SLC9A9: variants seen among roughly 807,000 people sequenced by gnomAD.
SLC9A9 encodes solute carrier family 9 member A9.
In SLC9A9, 62 loss-of-function variants were observed where a neutral mutation model predicts 77.8. The observed-to-expected ratio is 0.80, with a 90% CI of 0.65 to 0.98. The LOEUF is 0.98. SLC9A9 is among the 50% of genes least tolerant of loss of function. The pLI is 0.00. For missense variants in SLC9A9, 775 were observed against 774.9 expected (o/e 1.00, Z 0.00); for synonymous variants, 320 against 283.5 (o/e 1.13, Z -1.29).
rs1033629087 is a variant in SLC9A9 at position 143,634,147 on chromosome 3, C to CTTTTTTTTTTTTTTTTTTTTTTTTTTT, written c.755+18107_755+18108insAAAAAAAAAAAAAAAAAAAAAAAAAAA. Reference sequence around the variant, plus strand: ...TGCCTATGTGCTCCCATAATCCTTTCTTTAAGCTTGAAATTCAGTAACTTT... The same window carrying CTTTTTTTTTTTTTTTTTTTTTTTTTTT: ...TGCCTATGTGCTCCCATAATCCTTTCTTTTTTTTTTTTTTTTTTTTTTTTTTTTTTAAGCTTGAAATTCAGTAACTTT... On this transcript the variant is annotated intron_variant, in intron 6 of 15. Transcript: ENST00000316549. Among the ~76,000 whole-genome samples the CTTTTTTTTTTTTTTTTTTTTTTTTTTT allele has an allele frequency of 1.3e-4, 20 of 149,316 alleles. 1 individual carries two copies. The highest frequency in any genetic ancestry group is 4.6e-4 in the African/African-American group (18 of 38,710).
intron 6 of SLC9A9, among the ~76,000 whole-genome samples, chr3:143,618,119 A>C (rs1160135708): frequency 6.6e-6 from 1 of 152,214 alleles, no homozygotes; most frequent in East Asian, 1.9e-4. Flanking sequence ...CTGAGATACA[A>C]GTAGGAGATC....
chr3:143,678,937 G>T (rs912537932), intron 5 of SLC9A9, among the ~76,000 whole-genome samples: 1 of 151,688 alleles, frequency 6.6e-6, no homozygotes, highest in Non-Finnish European at 1.5e-5. Flanking sequence ...AAAGTATATA[G>T]AGAAAAGTGG....
intron 14 of SLC9A9, among the ~76,000 whole-genome samples, chr3:143,301,641 G>A (rs2030521966): frequency 6.6e-6 from 1 of 152,152 alleles, no homozygotes; most frequent in Admixed American, 6.5e-5. Context: ...ATCACCTGGG[G>A]ATCTAGTGGA....
intron 4 of SLC9A9, among the ~76,000 whole-genome samples, chr3:143,750,125 A>C (rs1374741408): frequency 6.6e-6 from 1 of 152,234 alleles, no homozygotes; most frequent in Non-Finnish European, 1.5e-5. Context: ...GGTTAAATGC[A>C]TAATGCCGTA....
intron 2 of SLC9A9, among the ~76,000 whole-genome samples, chr3:143,813,723 A>G (rs376031878): frequency 2.0e-4 from 30 of 152,312 alleles, no homozygotes; most frequent in African/African-American, 6.3e-4. Context: ...GTATCTATTT[A>G]TCCGCTGGCT....
chr3:143,730,026 A>G (rs1457713502), intron 4 of SLC9A9, among the ~76,000 whole-genome samples: 1 of 152,216 alleles, frequency 6.6e-6, no homozygotes, highest in Non-Finnish European at 1.5e-5. Context: ...ATCCATTTCT[A>G]TAACTTGTTC....
At chr3:143,345,526 T>C (rs116807308) in intron 14 of SLC9A9, among the ~76,000 whole-genome samples, 4,286 of 152,228 alleles carry the variant, frequency 0.028, 77 homozygotes, top group South Asian at 0.039. Context: ...AGTAAAGTTG[T>C]TGAGATGGAA....
rs577282434 is a variant in SLC9A9 at position 143,818,557 on chromosome 3, TCA to T, written c.378+13460_378+13461del. On this transcript the variant is annotated intron_variant, in intron 2 of 15. Coordinates refer to ENST00000316549, the MANE Select transcript of SLC9A9 (RefSeq NM_173653.4). Reference sequence around the variant, plus strand: ...CCTGACCTCAAGTGATCCACCGGCCTCAGCCTCCCAAAGTGCTGGGATTACAG... The same window carrying T: ...CCTGACCTCAAGTGATCCACCGGCCTGCCTCCCAAAGTGCTGGGATTACAG... Among the ~76,000 whole-genome samples the T allele has an allele frequency of 6.1e-3, 928 of 152,184 alleles. 2 individuals are homozygous for T. The highest frequency in any genetic ancestry group is 0.02 in the Middle Eastern group (6 of 294).
chr3:143,621,843 T>C (rs1410087795), intron 6 of SLC9A9, among the ~76,000 whole-genome samples: 2 of 151,824 alleles, frequency 1.3e-5, no homozygotes, highest in South Asian at 2.1e-4. Context: ...TTCGAACCCA[T>C]GGCAAAAAAG....
At chr3:143,429,309 T>C (rs1228142752) in intron 12 of SLC9A9, among the ~76,000 whole-genome samples, 1 of 152,168 alleles carries the variant, frequency 6.6e-6, no homozygotes, top group Non-Finnish European at 1.5e-5. Context: ...AGGAACTGAA[T>C]CAAATGGTAA....
chr3:143,454,596 A>T (rs912001528), intron 12 of SLC9A9, among the ~76,000 whole-genome samples: 1 of 152,164 alleles, frequency 6.6e-6, no homozygotes. Context: ...AGCAGCATAA[A>T]ACAACACCTA....
chr3:143,728,888 C>T (rs546314628), intron 4 of SLC9A9, among the ~76,000 whole-genome samples: 7 of 151,826 alleles, frequency 4.6e-5, no homozygotes, highest in Non-Finnish European at 1.0e-4. Flanking sequence ...GGTGGAGATA[C>T]ATTAGAGGGG....
At position 143,533,268 on chromosome 3, in the gene SLC9A9, C is replaced by T. The variant is rs1033348758; in HGVS notation, c.1089+19094G>A. 1.3e-4 allele frequency among the ~76,000 whole-genome samples: 20 copies of T among 152,328 alleles called. 1 individual carries two copies. The highest frequency in any genetic ancestry group is 1.2e-3 in the Admixed American group (19 of 15,304). On this transcript the variant is annotated intron_variant, in intron 9 of 15. Coordinates refer to ENST00000316549, the MANE Select transcript of SLC9A9 (RefSeq NM_173653.4). ...GGGGGCCTTGCTCCAGGACATACCACAAATACACGAGCAGACCCAGGCTGA... is the reference window on the plus strand; with the variant it reads ...GGGGGCCTTGCTCCAGGACATACCATAAATACACGAGCAGACCCAGGCTGA...
chr3:143,716,554 C>G (rs1025532305), intron 4 of SLC9A9, among the ~76,000 whole-genome samples: 1 of 152,054 alleles, frequency 6.6e-6, no homozygotes, highest in Non-Finnish European at 1.5e-5. Context: ...AGGACTCAGG[C>G]AAGTTTCTCC....
intron 9 of SLC9A9, among the ~76,000 whole-genome samples, chr3:143,551,244 G>A (rs917009924): frequency 6.6e-6 from 1 of 152,160 alleles, no homozygotes; most frequent in Non-Finnish European, 1.5e-5. Flanking sequence ...CTCAAAAGGA[G>A]CTATCCTGCC....
rs113153074 is a variant in SLC9A9 at position 143,830,214 on chromosome 3, C to A, written c.378+1805G>T. Among the ~76,000 whole-genome samples, 475 of 152,236 alleles carry A rather than the reference C, an allele frequency of 3.1e-3. 4 individuals are homozygous for A. The highest frequency in any genetic ancestry group is 0.011 in the African/African-American group (457 of 41,538). On this transcript the variant is annotated intron_variant, in intron 2 of 15. Transcript: ENST00000316549. ...AATACAGTAAGTATGCTAGTAGATGCCCCTTTCTATACCAGCAATGAGAGG... is the reference window on the plus strand; with the variant it reads ...AATACAGTAAGTATGCTAGTAGATGACCCTTTCTATACCAGCAATGAGAGG...
At chr3:143,606,416 CTCTCTCTCTCTCTCTCTCTCTA>C (rs2037924153) in intron 6 of SLC9A9, among the ~76,000 whole-genome samples, 1 of 67,236 alleles carries the variant, frequency 1.5e-5, no homozygotes, top group African/African-American at 5.4e-5. Flanking sequence ...CTCTCTCTCT[CTCTCTCTCTCTCTCTCTCTCTA>C]TATATATATA....
At chr3:143,333,555 G>C (rs2031837602) in intron 14 of SLC9A9, among the ~76,000 whole-genome samples, 1 of 152,186 alleles carries the variant, frequency 6.6e-6, no homozygotes, top group Non-Finnish European at 1.5e-5. Context: ...AAGCCAGCAG[G>C]CTGCTTCCTG....
At chr3:143,410,748 A>G (rs1369608995) in intron 12 of SLC9A9, among the ~76,000 whole-genome samples, 1 of 152,002 alleles carries the variant, frequency 6.6e-6, no homozygotes, top group Non-Finnish European at 1.5e-5. Context: ...CTTTCATTTT[A>G]ATTTATCTAA....
Sources: gnomAD v4.1 joint callset for allele counts (sites outside exome capture counted in the v4.1 genomes callset) on GRCh38, gnomAD v4.1.1 for gene constraint, MANE v1.5 for transcripts, NCBI Gene and HGNC (gene_info 2026-07-23, HGNC 2026-07-21) for gene names.